Variants in DARS2 observed in about 807,000 individuals in gnomAD.
DARS2 encodes the protein aspartate--tRNA ligase, mitochondrial.
In DARS2, 63 loss-of-function variants were observed where a neutral mutation model predicts 83.0. That is an observed-to-expected ratio of 0.76 (90% CI 0.62 to 0.94). The LOEUF is 0.94. DARS2 is among the 40% of genes least tolerant of loss of function. The pLI, the probability that DARS2 is intolerant of heterozygous loss-of-function variation, is 0.00. For synonymous variants in DARS2, 250 were observed against 269.3 expected, an observed-to-expected ratio of 0.93 and a Z score of 0.70; for missense variants, 675 against 774.4, an observed-to-expected ratio of 0.87 and a Z score of 1.52.
In DARS2 at chr1:173,852,300, G is replaced by A. The variant is rs191625441; in HGVS notation, c.1345-1049G>A. The A allele has an allele frequency of 3.0e-5, 28 of 948,552 alleles. No individual in the cohort carries two copies. The East Asian group carries it at 8.1e-4, about 28-fold the overall frequency. 58.8% of individuals were successfully genotyped at this position (948,552 alleles called of 1,614,324 possible). A position where few individuals can be genotyped will look rare whatever the true frequency, so the allele number is the denominator to read the frequency against. On this transcript the variant is annotated intron_variant, in intron 13 of 16. Coordinates refer to ENST00000649689, the MANE Select transcript of DARS2 (RefSeq NM_018122.5). ...TAAGCACTTAGTATTTGCCAAGCCC[G>A]TTCTAAGCACTTTGTATACATTAAC...
chr1:173,827,671 T>C (rs920851915), intron 2 of DARS2, among the ~76,000 whole-genome samples: 1 of 152,186 alleles, frequency 6.6e-6, no homozygotes, highest in Non-Finnish European at 1.5e-5. Context: ...GTGGATATTT[T>C]TCCCATAAGT....
chr1:173,837,918 C>T (rs532262184), intron 8 of DARS2, among the ~76,000 whole-genome samples: 16 of 151,982 alleles, frequency 1.1e-4, no homozygotes, highest in Admixed American at 7.9e-4. Flanking sequence ...GGATTACAGG[C>T]GCACGCCACC....
intron 7 of DARS2, among the ~76,000 whole-genome samples, chr1:173,835,425 C>T (rs568717925): frequency 2.9e-4 from 44 of 150,912 alleles, no homozygotes; most frequent in Non-Finnish European, 3.8e-4. Context: ...ATCTATTGGC[C>T]GGGCGCGGTG....
chr1:173,827,582 G>A (rs1652632421), intron 2 of DARS2, among the ~76,000 whole-genome samples: 1 of 152,058 alleles, frequency 6.6e-6, no homozygotes, highest in Non-Finnish European at 1.5e-5. Flanking sequence ...AGTGAGCTGA[G>A]ATTGCGCCAC....
intron 13 of DARS2, among the ~76,000 whole-genome samples, chr1:173,850,976 G>C (rs1653640824): frequency 6.6e-6 from 1 of 151,872 alleles, no homozygotes; most frequent in African/African-American, 2.4e-5. Context: ...GGTGGCTAAC[G>C]CCTGTAATCC....
chr1:173,852,489 A>G (rs562308614), intron 13 of DARS2, among the ~76,000 whole-genome samples: 1 of 151,046 alleles, frequency 6.6e-6, no homozygotes, highest in South Asian at 2.1e-4. Context: ...CAAAATTCAC[A>G]CTCTTATTTT....
intron 7 of DARS2, among the ~76,000 whole-genome samples, chr1:173,836,426 C>T (rs890020944): frequency 1.3e-5 from 2 of 151,628 alleles, no homozygotes; most frequent in African/African-American, 2.4e-5. Context: ...ACCTGTAATC[C>T]CAGCTACTCG....
intron 2 of DARS2, among the ~76,000 whole-genome samples, chr1:173,827,557 G>A (rs9425424): frequency 0.091 from 13,791 of 152,042 alleles, 2,018 homozygotes; most frequent in African/African-American, 0.31. Context: ...CTTGAACCCA[G>A]AAGGCAGAGG....
rs1652426970 is a variant in DARS2, at chr1:173,825,121, G to T, written c.-109G>T. 6.6e-7 allele frequency: 1 copy of T among 1,517,586 alleles called. No homozygotes were observed. Among genetic ancestry groups the T allele is most frequent in the African/African-American group, 1.4e-5 (1 of 72,464 alleles). 94.0% of individuals were successfully genotyped at this position (1,517,586 alleles called of 1,614,324 possible). On this transcript the variant is annotated 5_prime_UTR_variant, in exon 1 of 17. Coordinates refer to ENST00000649689, the MANE Select transcript of DARS2 (RefSeq NM_018122.5). ...GAGGCCTTAAATATTCGAGAAGAGA[G>T]TGGGAACTCCTGGAATTTTAAGGGA...
Position 173,836,879 on chromosome 1 carries a change from C to G in DARS2, c.664-61C>G, listed in dbSNP as rs143970318. The G allele has an allele frequency of 2.7e-3, 3,741 of 1,386,998 alleles. 73 individuals carry two copies. In the African/African-American group the frequency reaches 0.044, roughly 16 times the overall value. 85.9% of individuals were successfully genotyped at this position (1,386,998 alleles called of 1,614,324 possible). On this transcript the variant is annotated intron_variant, in intron 7 of 16. Coordinates refer to ENST00000649689, the MANE Select transcript of DARS2 (RefSeq NM_018122.5). ...TAACAACTTCTACTAGTTAGTTATA[C>G]TTTGGGTTTGTTTTTGTTTTTTAAT...
chr1:173,843,254 A>G (rs1248930765), intron 11 of DARS2, among the ~76,000 whole-genome samples: 1 of 152,164 alleles, frequency 6.6e-6, no homozygotes, highest in Non-Finnish European at 1.5e-5. Flanking sequence ...TAGGTTCACA[A>G]TGCTTAAAAG....
chr1:173,843,724 G>A (rs1034684813), intron 11 of DARS2, among the ~76,000 whole-genome samples: 22 of 152,182 alleles, frequency 1.4e-4, no homozygotes, highest in African/African-American at 5.3e-4. Flanking sequence ...AAAGTTTGAG[G>A]TGTACTCTTA....
At chr1:173,850,298 A>AAC in intron 12 of DARS2, 29 bp from the exon 13 acceptor site, 3 of 1,574,864 alleles carry the variant, frequency 1.9e-6, no homozygotes, top group East Asian at 4.5e-5. Flanking sequence ...AAAAAAAAAA[A>AAC]CGTGAATAAG....
At chr1:173,834,804 A>T in intron 7 of DARS2, among the ~76,000 whole-genome samples, 1 of 73,850 alleles carries the variant, frequency 1.4e-5, no homozygotes, top group Non-Finnish European at 2.2e-5. Context: ...TTTTTGAGAC[A>T]GTCTCACTCC....
chr1:173,834,732 GTTTTTTTTTTTTT>G, intron 7 of DARS2, among the ~76,000 whole-genome samples: 2 of 21,680 alleles, frequency 9.2e-5, no homozygotes, highest in Non-Finnish European at 8.5e-5. Flanking sequence ...GAGTTTTTTT[GTTTTTTTTTTTTT>G]TTTTTTTTTT....
chr1:173,858,431 TC>T lies in DARS2; in HGVS notation c.*728del, dbSNP rs1653930721. The T allele has an allele frequency of 6.6e-6, 1 of 152,230 alleles. No homozygotes were observed. The highest frequency in any genetic ancestry group is 2.1e-4 in the South Asian group (1 of 4,826). 9.4% of individuals were successfully genotyped at this position (152,230 alleles called of 1,614,324 possible). A position where few individuals can be genotyped will look rare whatever the true frequency, so the allele number is the denominator to read the frequency against. On this transcript the variant is annotated 3_prime_UTR_variant, in exon 17 of 17. Transcript: ENST00000649689. ...AGTACTTTGAAAAACTATAAAGCAT[TC>T]CACAAATATGAGATGATGGTATTAT... is the stretch of plus-strand genomic sequence containing the variant.
Position 173,837,021 on chromosome 1 carries a change from C to A in DARS2, c.745C>A (p.Leu249Ile), listed in dbSNP as rs1451393132. The change falls in exon 8 of 17, where the codon CTT (leucine) becomes ATT (isoleucine). Residue 249 changes from leucine (L) to isoleucine (I), a missense_variant. Transcript: ENST00000649689. ...TCAGAGTCCTCAACAGTTTAAGCAA[C>A]TTCTGATGGTTGGCGGTTTAGACAG... is the stretch of plus-strand genomic sequence containing the variant. ...LPQSPQQFKQLLMVGGLDRYF... is the reference protein window; with the variant it reads ...LPQSPQQFKQILMVGGLDRYF... 2.5e-6 allele frequency: 4 copies of A among 1,613,906 alleles called. No homozygotes were observed. The highest frequency in any genetic ancestry group is 3.4e-6 in the Non-Finnish European group (4 of 1,179,928).
Position 173,833,434 on chromosome 1 carries a change from A to G in DARS2, c.551A>G (p.Gln184Arg). The G allele has an allele frequency of 6.2e-7, 1 of 1,614,014 alleles. No homozygotes were observed. The highest frequency in any genetic ancestry group is 8.5e-7 in the Non-Finnish European group (1 of 1,179,904). ...TTAGACTTGCGTAGTTTCCAAATGC[A>G]GTATAACCTGCGACTGAGGTCCCAG... Reference protein sequence around the residue: ...RYLDLRSFQMQYNLRLRSQMV... With the variant: ...RYLDLRSFQMRYNLRLRSQMV... The change falls in exon 6 of 17, where the codon CAG becomes CGG. Residue 184 changes from glutamine to arginine, a missense_variant. Transcript: ENST00000649689.
At chr1:173,825,970 C>A (rs963752293) in intron 1 of DARS2, among the ~76,000 whole-genome samples, 1 of 151,130 alleles carries the variant, frequency 6.6e-6, no homozygotes, top group African/African-American at 2.4e-5. Context: ...CGTCGTTAAT[C>A]CCAGCACTTT....
Sources: allele counts gnomAD v4.1 joint callset (sites outside exome capture counted in the v4.1 genomes callset), GRCh38; gene constraint gnomAD v4.1.1; transcripts MANE v1.5; gene names NCBI Gene and HGNC (gene_info 2026-07-23, HGNC 2026-07-21).